MLXIPL: variants seen among roughly 807,000 people sequenced by gnomAD.
MLXIPL encodes the protein MLX interacting protein like.
A neutral mutation model predicts 81.5 loss-of-function variants in MLXIPL; 49 were observed. The ratio of observed to expected loss-of-function variants is 0.60; its 90% CI spans 0.48 to 0.76. The LOEUF (loss-of-function observed/expected upper bound fraction) is 0.76. Ranked by LOEUF, MLXIPL falls within the 30% of genes least tolerant of loss-of-function variation. The pLI is 0.00. For synonymous variants in MLXIPL, 466 were observed against 485.5 expected (o/e 0.96, Z 0.53); for missense variants, 1,053 against 1,167.0 (o/e 0.90, Z 1.42).
In MLXIPL at chr7:73,596,564, A is replaced by G. The variant is rs1239326185; in HGVS notation, c.1822+75T>C. The G allele has an allele frequency of 3.9e-5, 62 of 1,599,420 alleles. No individual in the cohort carries two copies. In the East Asian group the frequency reaches 1.3e-3, roughly 34 times the overall value. ...CCCCCTTCCTCTCATCTGGCCCCAG[A>G]CCCAGTCCCCTTCTTCTTCCTCCTC... is the stretch of plus-strand genomic sequence containing the variant. On this transcript the variant is annotated intron_variant, in intron 11 of 16. Coordinates refer to ENST00000313375, the MANE Select transcript of MLXIPL (RefSeq NM_032951.3). The surrounding 1 kb of genome is among the most constrained non-coding windows in gnomAD (Gnocchi z 4.7).
the MLXIPL span, among the ~76,000 whole-genome samples, chr7:73,634,760 C>A: frequency 6.6e-6 from 1 of 150,864 alleles, no homozygotes; most frequent in African/African-American, 2.4e-5. Context: ...ACCCACTTTT[C>A]TTTGCAAGAA....
At chr7:73,635,495 C>T in the MLXIPL span, among the ~76,000 whole-genome samples, 4 of 152,088 alleles carry the variant, frequency 2.6e-5, no homozygotes, top group Non-Finnish European at 5.9e-5. Flanking sequence ...ATTCACCTTA[C>T]TATCCACCCA....
intron 7 of MLXIPL, 24 bp downstream of exon 7, chr7:73,605,664 G>A (rs771546123): frequency 2.2e-5 from 36 of 1,612,160 alleles, no homozygotes; most frequent in South Asian, 1.6e-4. Flanking sequence ...CCGTCCACCC[G>A]ACCTGGGGAG....
chr7:73,606,088 C>T lies in MLXIPL; in HGVS notation c.642G>A (p.Pro214=), dbSNP rs73702542. The T allele has an allele frequency of 4.6e-3, 7,338 of 1,582,868 alleles. 326 individuals carry two copies. The African/African-American group carries it at 0.086, about 19-fold the overall frequency. ...PKQAEGRWPP[P]EQWCKQLFSS... is the part of the protein sequence containing the mutation. ...AGAAGAGCTGTTTGCACCATTGCTC[C>T]GGCGGCGGCCACCTGCCTTCCGCCT... Residue 214 remains proline, a synonymous_variant, in exon 6 of 17, where the codon CCG becomes CCA. Transcript: ENST00000313375.
intron 2 of MLXIPL, among the ~76,000 whole-genome samples, chr7:73,614,561 T>C (rs1554600381): frequency 1.3e-5 from 2 of 152,176 alleles, no homozygotes; most frequent in Non-Finnish European, 2.9e-5. Context: ...CCCAGCTCAG[T>C]GCAGCCTTTG....
At chr7:73,634,654 C>CA in the MLXIPL span, among the ~76,000 whole-genome samples, 1 of 151,774 alleles carries the variant, frequency 6.6e-6, no homozygotes, top group Non-Finnish European at 1.5e-5. Context: ...CTCGGCCTCC[C>CA]AAAGTGCCGG....
In MLXIPL at chr7:73,596,884, A is replaced by T. The variant is rs782741189; in HGVS notation, c.1652T>A (p.Leu551His). 1 of 1,611,366 alleles carries T rather than the reference A, an allele frequency of 6.2e-7. No homozygotes were observed. The highest frequency in any genetic ancestry group is 1.1e-5 in the South Asian group (1 of 90,626). ...LEPPLVSSTL[L>H]RSPGSPQETV... ...TCTTACCGGGGACCCTGGGGACCGGAGGAGGGTGCTGGATACAAGTGGTGG... is the reference window on the plus strand; with the variant it reads ...TCTTACCGGGGACCCTGGGGACCGGTGGAGGGTGCTGGATACAAGTGGTGG... Residue 551 changes from leucine to histidine, a missense_variant, in exon 10 of 17, where the codon CTC (leucine) becomes CAC (histidine). Leu to His is a moderately conservative substitution (Grantham distance 99). Transcript: ENST00000313375. The surrounding 1 kb of genome is among the most constrained non-coding windows in gnomAD (Gnocchi z 4.7).
At chr7:73,599,448 A>G in intron 8 of MLXIPL, 78 bp downstream of exon 8, 1 of 1,557,208 alleles carries the variant, frequency 6.4e-7, no homozygotes, top group South Asian at 1.1e-5. Context: ...GGAGTGTCTG[A>G]TACCTCCTGG....
At chr7:73,607,557 G>A in intron 3 of MLXIPL, 33 bp downstream of exon 3, 1 of 1,607,392 alleles carries the variant, frequency 6.2e-7, no homozygotes, top group Non-Finnish European at 8.5e-7. Context: ...TGGGCAGGTG[G>A]GCAGGTGGGC....
chr7:73,646,544 G>C, the MLXIPL span, among the ~76,000 whole-genome samples: 3 of 152,092 alleles, frequency 2.0e-5, no homozygotes, highest in African/African-American at 7.2e-5. Context: ...ATTCTAAACT[G>C]AGCCCTGGCC....
At position 73,596,667 on chromosome 7, in the gene MLXIPL, C is replaced by T. The variant is rs1554594061; in HGVS notation, c.1794G>A (p.Ala598=). The change falls in exon 11 of 17, where the codon GCG becomes GCA. Residue 598 remains alanine, a synonymous_variant. Coordinates refer to ENST00000313375, the MANE Select transcript of MLXIPL (RefSeq NM_032951.3). The surrounding 1 kb of genome is among the most constrained non-coding windows in gnomAD (Gnocchi z 4.7). The part of the protein sequence containing the change: ...APSRPLLVPK[A]ERLSPPAPSG... ...TGGGCGCTGGGGGTGAGAGCCGCTC[C>T]GCTTTGGGGACAAGCAGGGGCCTGG... is the stretch of plus-strand genomic sequence containing the variant. The T allele has an allele frequency of 3.8e-6, 6 of 1,589,718 alleles. No individual in the cohort carries two copies. Among genetic ancestry groups the T allele is most frequent in the Non-Finnish European group, 5.1e-6 (6 of 1,167,848 alleles).
At chr7:73,599,084 AAG>A (rs1436014237) in intron 8 of MLXIPL, among the ~76,000 whole-genome samples, 1 of 151,470 alleles carries the variant, frequency 6.6e-6, no homozygotes, top group Non-Finnish European at 1.5e-5. Flanking sequence ...AAAAAAAAAA[AAG>A]AATTGCATAT....
At position 73,593,469 on chromosome 7, in the gene MLXIPL, T is replaced by G; in HGVS notation, c.*396A>C. The G allele has an allele frequency of 3.5e-6, 1 of 288,850 alleles. No homozygotes were observed. The highest frequency in any genetic ancestry group is 6.9e-6 in the Non-Finnish European group (1 of 144,644). The allele number at this position is 288,850 out of a possible 1,614,324, so 17.9% of individuals were successfully genotyped here. A position where few individuals can be genotyped will look rare whatever the true frequency, so the allele number is the denominator to read the frequency against. ...CCACCTGTCGGGGAGCAAGTGGAGG[T>G]GACAGAGAAACAGCATCCTCCTCTT... On this transcript the variant is annotated 3_prime_UTR_variant, in exon 17 of 17. Coordinates refer to ENST00000313375, the MANE Select transcript of MLXIPL (RefSeq NM_032951.3).
intron 2 of MLXIPL, among the ~76,000 whole-genome samples, chr7:73,614,233 A>G (rs930533394): frequency 4.0e-5 from 6 of 151,236 alleles, no homozygotes; most frequent in Non-Finnish European, 8.8e-5. Context: ...ACAAAACAAA[A>G]CCAAACAAAC....
chr7:73,638,325 G>A, the MLXIPL span, among the ~76,000 whole-genome samples: 1 of 152,112 alleles, frequency 6.6e-6, no homozygotes, highest in African/African-American at 2.4e-5. Context: ...ATTTTTTGGG[G>A]ACAGAATCTC....
the MLXIPL span, among the ~76,000 whole-genome samples, chr7:73,645,469 C>A: frequency 6.6e-6 from 1 of 152,130 alleles, no homozygotes; most frequent in Admixed American, 6.6e-5. Context: ...AGCCACCTTG[C>A]CCCTAAGTTT....
In MLXIPL at chr7:73,597,370, A is replaced by G. The variant is rs1554594596; in HGVS notation, c.1415T>C (p.Ile472Thr). The G allele has an allele frequency of 1.2e-6, 1 of 815,626 alleles. No homozygotes were observed. Among genetic ancestry groups the G allele is most frequent in the Non-Finnish European group, 1.5e-6 (1 of 651,848 alleles). The allele number at this position is 815,626 out of a possible 1,614,324, so 50.5% of individuals were successfully genotyped here. The change falls in exon 9 of 17, where the codon ATA becomes ACA. Residue 472 changes from isoleucine (I) to threonine (T), a missense_variant. Coordinates refer to ENST00000313375, the MANE Select transcript of MLXIPL (RefSeq NM_032951.3). The part of the protein sequence containing the change: ...VPSPAPTPFP[I>T]ELLPLGYSEP... The stretch of plus-strand genomic sequence containing the variant: ...CGAATACCCCAAGGGTAGAAGCTCT[A>G]TGGGGAAGGGGGTGGGGGCTGGGCT...
In MLXIPL at chr7:73,593,643, G is replaced by T. The variant is rs1169173435; in HGVS notation, c.*222C>A. On this transcript the variant is annotated 3_prime_UTR_variant, in exon 17 of 17. Transcript: ENST00000313375. ...AAAGACAGCGGACGAGTCACCCAAG[G>T]TCACGGTGCTGGAGCACAGTGGCAG... 5.5e-6 allele frequency: 3 copies of T among 543,334 alleles called. No individual in the cohort carries two copies. In the African/African-American group the frequency reaches 5.7e-5, roughly 10 times the overall value. 33.7% of individuals were successfully genotyped at this position (543,334 alleles called of 1,614,324 possible). A position where few individuals can be genotyped will look rare whatever the true frequency, so the allele number is the denominator to read the frequency against.
At position 73,614,314 on chromosome 7, in the gene MLXIPL, C is replaced by T. The variant is rs143994755; in HGVS notation, c.400+1757G>A. On this transcript the variant is annotated intron_variant, in intron 2 of 16. Coordinates refer to ENST00000313375, the MANE Select transcript of MLXIPL (RefSeq NM_032951.3). ...GCCAGCCCCAGCTCTGCTTCTTTTA[C>T]GCTCTGTGAACCTGAATATGTCACT... is the stretch of plus-strand genomic sequence containing the variant. Among the ~76,000 whole-genome samples the T allele has an allele frequency of 1.9e-3, 282 of 152,262 alleles. 2 individuals are homozygous for T. The highest frequency in any genetic ancestry group is 6.5e-3 in the African/African-American group (271 of 41,558).
Sources: allele counts gnomAD v4.1 joint callset (sites outside exome capture counted in the v4.1 genomes callset), GRCh38; gene constraint gnomAD v4.1.1; non-coding constraint Gnocchi (gnomAD v3.1); transcripts MANE v1.5; gene names NCBI Gene and HGNC (gene_info 2026-07-23, HGNC 2026-07-21).